SLC2A13: variants seen among roughly 807,000 people sequenced by gnomAD.
SLC2A13 encodes proton myo-inositol cotransporter.
SLC2A13 carries 32 observed loss-of-function variants against 64.4 expected under a neutral mutation model. The ratio of observed to expected loss-of-function variants is 0.50; its 90% confidence interval spans 0.37 to 0.67. The LOEUF (loss-of-function observed/expected upper bound fraction) is 0.67, where lower values mean the gene tolerates loss of function less well. SLC2A13 is among the 30% of genes least tolerant of loss of function. The pLI, the probability that SLC2A13 is intolerant of heterozygous loss-of-function variation, is 0.00. For synonymous variants in SLC2A13, 338 were observed against 327.1 expected (o/e 1.03, Z -0.36); for missense variants, 743 against 829.2 (o/e 0.90, Z 1.28).
At chr12:39,960,434 G>C (rs1946388517) in intron 3 of SLC2A13, among the ~76,000 whole-genome samples, 1 of 152,174 alleles carries the variant, frequency 6.6e-6, no homozygotes, top group African/African-American at 2.4e-5. Flanking sequence ...AAGCTGCAGT[G>C]CAGCAGCGTG....
At chr12:39,975,837 T>G (rs995338466) in intron 3 of SLC2A13, among the ~76,000 whole-genome samples, 4 of 150,402 alleles carry the variant, frequency 2.7e-5, no homozygotes, top group African/African-American at 1.0e-4. Context: ...CGGATACAAA[T>G]GTTCAATAAC....
chr12:40,033,676 C>G (rs763230207), intron 2 of SLC2A13, among the ~76,000 whole-genome samples: 4 of 152,050 alleles, frequency 2.6e-5, no homozygotes, highest in Non-Finnish European at 5.9e-5. Context: ...GACCACTGTG[C>G]CAAACTAAAG....
chr12:39,884,656 G>A (rs78718267), intron 4 of SLC2A13, among the ~76,000 whole-genome samples: 1,784 of 152,182 alleles, frequency 0.012, 35 homozygotes, highest in African/African-American at 0.041. Flanking sequence ...GAGGGTGACC[G>A]CCATACATAT....
intron 3 of SLC2A13, among the ~76,000 whole-genome samples, chr12:40,025,359 C>T (rs28370783): frequency 2.5e-3 from 385 of 152,296 alleles, no homozygotes; most frequent in African/African-American, 9.0e-3. Context: ...AGCCAATATA[C>T]ACTTCAGTAG....
At chr12:39,878,451 T>C (rs1009346002) in intron 4 of SLC2A13, among the ~76,000 whole-genome samples, 5 of 152,150 alleles carry the variant, frequency 3.3e-5, no homozygotes, top group Non-Finnish European at 5.9e-5. Flanking sequence ...GAGGAACTTA[T>C]TGGGAACTGT....
At chr12:39,909,046 G>T (rs1231319163) in intron 4 of SLC2A13, among the ~76,000 whole-genome samples, 1 of 151,908 alleles carries the variant, frequency 6.6e-6, no homozygotes, top group African/African-American at 2.4e-5. Context: ...GGGAGCAGAG[G>T]CAAGTTGTGC....
chr12:40,070,988 G>T (rs918334039), intron 1 of SLC2A13, among the ~76,000 whole-genome samples: 2 of 152,128 alleles, frequency 1.3e-5, no homozygotes, highest in African/African-American at 4.8e-5. Context: ...ACTTCAAGGT[G>T]GGGATTAGGG....
intron 4 of SLC2A13, among the ~76,000 whole-genome samples, chr12:39,873,215 C>T (rs1428465881): frequency 6.6e-6 from 1 of 152,252 alleles, no homozygotes; most frequent in Non-Finnish European, 1.5e-5. Flanking sequence ...TTACTGATCA[C>T]ACTAAAAAGC....
intron 7 of SLC2A13, among the ~76,000 whole-genome samples, chr12:39,806,075 C>T (rs1941971003): frequency 6.6e-6 from 1 of 152,154 alleles, no homozygotes; most frequent in Non-Finnish European, 1.5e-5. Context: ...TGCAACAGAA[C>T]TGATTATTTA....
intron 6 of SLC2A13, among the ~76,000 whole-genome samples, chr12:39,859,334 A>AT (rs1566874032): frequency 5.3e-5 from 1 of 18,698 alleles, no homozygotes; most frequent in African/African-American, 3.7e-4. Context: ...TTTTTTTCTG[A>AT]AAAAAAAAAA....
At chr12:39,911,979 CACTT>C (rs991088318) in intron 4 of SLC2A13, among the ~76,000 whole-genome samples, 1 of 151,986 alleles carries the variant, frequency 6.6e-6, no homozygotes, top group Non-Finnish European at 1.5e-5. Context: ...CTGATTCTGA[CACTT>C]ACCACACAGC....
chr12:39,838,351 G>T (rs1396318203), intron 6 of SLC2A13, among the ~76,000 whole-genome samples: 37 of 107,830 alleles, frequency 3.4e-4, no homozygotes, highest in Admixed American at 6.3e-4. Flanking sequence ...TGGGGTGGGG[G>T]GAGGGGGGAG....
intron 3 of SLC2A13, among the ~76,000 whole-genome samples, chr12:39,982,391 C>T (rs1946924465): frequency 7.0e-6 from 1 of 142,724 alleles, no homozygotes; most frequent in East Asian, 2.1e-4. Flanking sequence ...CAAATTGTCC[C>T]TGTTTGCAGA....
rs144972086 is a variant in SLC2A13 at position 39,782,617 on chromosome 12, G to A, written c.1446-17759C>T. ...CAGTAAATTGGTACAAGTAGAGTGG[G>A]GCATTGCTGAAAAGATACCCGAAAA... On this transcript the variant is annotated intron_variant, in intron 7 of 9. Transcript: ENST00000280871. 3.4e-3 allele frequency among the ~76,000 whole-genome samples: 510 copies of A among 152,218 alleles called. 4 individuals are homozygous for A. The highest frequency in any genetic ancestry group is 0.012 in the African/African-American group (482 of 41,530).
intron 1 of SLC2A13, among the ~76,000 whole-genome samples, chr12:40,051,921 C>T (rs538567873): frequency 6.6e-5 from 10 of 152,028 alleles, no homozygotes; most frequent in South Asian, 2.1e-4. Flanking sequence ...AGTTGGAGTA[C>T]GGAAAATTGA....
intron 1 of SLC2A13, among the ~76,000 whole-genome samples, chr12:40,076,285 G>A (rs1938172050): frequency 6.6e-6 from 1 of 152,114 alleles, no homozygotes; most frequent in Admixed American, 6.6e-5. Context: ...CTGATAGGTA[G>A]TTTTTTGATC....
Position 40,105,831 on chromosome 12 carries a change from C to A in SLC2A13, c.-23G>T. 1 of 1,391,282 alleles carries A rather than the reference C, an allele frequency of 7.2e-7. No homozygotes were observed. The allele number at this position is 1,391,282 out of a possible 1,614,324, so 86.2% of individuals were successfully genotyped here. A position where few individuals can be genotyped will look rare whatever the true frequency, so the allele number is the denominator to read the frequency against. ...CATAGGGCAGGGGCCCGGGGCTGCC[C>A]GGGGGGACGCGGCTCCGCGGGCCGG... On this transcript the variant is annotated 5_prime_UTR_variant, in exon 1 of 10. Transcript: ENST00000280871. This position sits in a 1 kb window ranked among gnomAD's most constrained non-coding sequence, Gnocchi z 4.2.
In SLC2A13 at chr12:39,959,793, A is replaced by G. The variant is rs1398274428; in HGVS notation, c.926-8428T>C. Among the ~76,000 whole-genome samples, 3 of 152,184 alleles carry G rather than the reference A, an allele frequency of 2.0e-5. No homozygotes were observed. The East Asian group carries it at 5.8e-4, about 29-fold the overall frequency. On this transcript the variant is annotated intron_variant, in intron 3 of 9. Transcript: ENST00000280871. ...TAAAAAGAGGAAGTATCCTTTCTAAATAAATAATTTTCTTTTTAAAAAAAT... is the reference window on the plus strand; with the variant it reads ...TAAAAAGAGGAAGTATCCTTTCTAAGTAAATAATTTTCTTTTTAAAAAAAT...
chr12:39,992,634 T>C (rs762715077), intron 3 of SLC2A13, among the ~76,000 whole-genome samples: 2 of 152,174 alleles, frequency 1.3e-5, no homozygotes, highest in Non-Finnish European at 2.9e-5. Flanking sequence ...TCACTTAAGA[T>C]TCTTATAACC....
Sources: gnomAD v4.1 joint callset for allele counts (sites outside exome capture counted in the v4.1 genomes callset) on GRCh38, gnomAD v4.1.1 for gene constraint, Gnocchi (gnomAD v3.1) non-coding constraint, MANE v1.5 for transcripts, NCBI Gene and HGNC (gene_info 2026-07-23, HGNC 2026-07-21) for gene names.